The following ADGRV1 variants were observed in gnomAD, a reference collection of about 807,000 sequenced individuals.
ADGRV1 encodes adhesion G protein-coupled receptor V1, also known as G-protein coupled receptor 98.
In ADGRV1, 359 loss-of-function variants were observed where a neutral mutation model predicts 596.2. The observed-to-expected ratio is 0.60, with a 90% CI of 0.55 to 0.66. The LOEUF is 0.66. ADGRV1 is among the 30% of genes least tolerant of loss of function. ADGRV1 has a pLI of 0.00. For missense variants in ADGRV1, 7,274 were observed against 7,575.6 expected, an observed-to-expected ratio of 0.96 and a Z score of 1.48; for synonymous variants, 2,681 against 2,679.2, an observed-to-expected ratio of 1.00 and a Z score of -0.02.
intron 83 of ADGRV1, among the ~76,000 whole-genome samples, chr5:90,964,756 G>C (rs779457789): frequency 1.3e-5 from 2 of 150,136 alleles, no homozygotes; most frequent in East Asian, 3.9e-4. Flanking sequence ...AAATTACAAA[G>C]CATGTTAGAA....
chr5:91,076,331 A>G (rs1456610726), intron 86 of ADGRV1, among the ~76,000 whole-genome samples: 2 of 152,014 alleles, frequency 1.3e-5, no homozygotes. Flanking sequence ...TCATTGTAGC[A>G]CTTATCTTAG....
At chr5:90,960,183 G>T (rs7709355) in intron 83 of ADGRV1, among the ~76,000 whole-genome samples, 31,518 of 150,486 alleles carry the variant, frequency 0.21, 5,178 homozygotes, top group East Asian at 0.5. Context: ...TGCCTAGGGT[G>T]GTAGGGGTGG....
intron 54 of ADGRV1, among the ~76,000 whole-genome samples, chr5:90,754,411 T>C (rs1023377008): frequency 1.4e-4 from 22 of 152,168 alleles, no homozygotes; most frequent in Admixed American, 1.3e-4. Context: ...TTCATTTGAA[T>C]AGTCAATGGG....
intron 85 of ADGRV1, among the ~76,000 whole-genome samples, chr5:91,008,777 A>G (rs1782496029): frequency 6.6e-6 from 1 of 152,118 alleles, no homozygotes; most frequent in African/African-American, 2.4e-5. Context: ...CTGGGATTAC[A>G]AGTGTTAGCC....
In ADGRV1 at chr5:90,745,760, A is replaced by C; in HGVS notation, c.10939A>C (p.Asn3647His). 1 of 1,610,496 alleles carries C rather than the reference A, an allele frequency of 6.2e-7. No individual in the cohort carries two copies. Among genetic ancestry groups the C allele is most frequent in the Non-Finnish European group, 8.5e-7 (1 of 1,177,494 alleles). ...TTCTGTAACAATAACCATTCTGTCT[A>C]ATGATGATGCCTATGGAATTGTTGC... is the stretch of plus-strand genomic sequence containing the variant. The part of the protein sequence containing the change: ...NDSVTITILS[N>H]DDAYGIVAFA... The change falls in exon 52 of 90, where the codon AAT becomes CAT. Residue 3647 changes from asparagine (N) to histidine (H), a missense_variant. Around this residue, in one of 5 missense-constraint regions of ADGRV1, gnomAD observed 3,643 missense variants for 3,809.2 expected, o/e 0.96. Transcript: ENST00000405460.
chr5:90,683,591 A>G lies in ADGRV1; in HGVS notation c.5670A>G (p.Ile1890Met), dbSNP rs1283387324. The change falls in exon 28 of 90, where the codon ATA becomes ATG. Residue 1890 changes from isoleucine (I) to methionine (M), a missense_variant. Physicochemically the swap from Ile to Met is conservative, Grantham distance 10. Transcript: ENST00000405460. ...TAATATTAAGTATTTTGTAGGTTAT[A>G]AGACATCATGGAACTCTGTCTCCAG... ...DGYSTVTLNV[I>M]RHHGTLSPVT... is the part of the protein sequence containing the mutation. 3 of 1,594,242 alleles carry G rather than the reference A, an allele frequency of 1.9e-6. No individual in the cohort carries two copies. Among genetic ancestry groups the G allele is most frequent in the Non-Finnish European group, 1.7e-6 (2 of 1,165,432 alleles).
At chr5:90,816,415 TTTA>T (rs1056576107) in intron 75 of ADGRV1, among the ~76,000 whole-genome samples, 395 of 151,344 alleles carry the variant, frequency 2.6e-3, no homozygotes, top group African/African-American at 8.9e-3. Context: ...TTTTTTAAAT[TTTA>T]TTATTATTAT....
intron 1 of ADGRV1, among the ~76,000 whole-genome samples, chr5:90,559,947 G>A (rs1275966489): frequency 6.6e-6 from 1 of 152,094 alleles, no homozygotes; most frequent in Non-Finnish European, 1.5e-5. Flanking sequence ...ATACAAATGA[G>A]CACCAATAAT....
intron 83 of ADGRV1, among the ~76,000 whole-genome samples, chr5:90,943,432 C>T (rs1334045217): frequency 6.6e-6 from 1 of 152,086 alleles, no homozygotes; most frequent in Non-Finnish European, 1.5e-5. Context: ...GGCTGTGGCA[C>T]AAGCTGTGTT....
intron 87 of ADGRV1, among the ~76,000 whole-genome samples, chr5:91,121,208 A>G (rs1168975544): frequency 2.0e-5 from 3 of 152,136 alleles, no homozygotes; most frequent in Non-Finnish European, 4.4e-5. Context: ...ACAGAGTAGA[A>G]TGGGGAGTAT....
intron 79 of ADGRV1, among the ~76,000 whole-genome samples, chr5:90,851,273 TC>T (rs751707706): frequency 1.7e-4 from 26 of 151,710 alleles, no homozygotes; most frequent in Non-Finnish European, 3.5e-4. Context: ...GGATTACTGT[TC>T]AGGTAAAAGA....
At chr5:90,867,560 C>T (rs1411449989) in intron 83 of ADGRV1, among the ~76,000 whole-genome samples, 4 of 152,158 alleles carry the variant, frequency 2.6e-5, no homozygotes, top group Non-Finnish European at 5.9e-5. Flanking sequence ...ATGTCATTCT[C>T]GCTTTGAGTA....
chr5:91,055,830 A>C (rs1188035575), intron 85 of ADGRV1, among the ~76,000 whole-genome samples: 1 of 152,240 alleles, frequency 6.6e-6, no homozygotes, highest in Admixed American at 6.5e-5. Flanking sequence ...TTGGTGCAAA[A>C]GTATGAATTT....
rs373576966 is a variant in ADGRV1, at chr5:90,720,854, TA to T, written c.9624-80del. The T allele has an allele frequency of 4.5e-3, 5,223 of 1,170,888 alleles. 66 individuals carry two copies. The highest frequency in any genetic ancestry group is 0.039 in the African/African-American group (2,497 of 64,786). 72.5% of individuals were successfully genotyped at this position (1,170,888 alleles called of 1,614,324 possible). The stretch of plus-strand genomic sequence containing the variant: ...TGTAAATTTAAAAATGTATTAAGTA[TA>T]TGCTAGCAATATGATATATATTTCA... On this transcript the variant is annotated intron_variant, in intron 44 of 89. Coordinates refer to ENST00000405460, the MANE Select transcript of ADGRV1 (RefSeq NM_032119.4).
At chr5:90,842,906 T>G (rs1162703920) in intron 78 of ADGRV1, among the ~76,000 whole-genome samples, 1 of 152,156 alleles carries the variant, frequency 6.6e-6, no homozygotes, top group Non-Finnish European at 1.5e-5. Flanking sequence ...ACATCAATAC[T>G]GAAATCTGTT....
At chr5:90,846,322 T>C (rs1279995853) in intron 78 of ADGRV1, 1 of 152,200 alleles carries the variant, frequency 6.6e-6, no homozygotes, top group Admixed American at 6.5e-5. Context: ...TGTAGGTTGG[T>C]AGATGGGGCA....
chr5:91,008,493 T>C (rs1391561268), intron 85 of ADGRV1, among the ~76,000 whole-genome samples: 1 of 152,054 alleles, frequency 6.6e-6, no homozygotes, highest in Non-Finnish European at 1.5e-5. Context: ...TGTAAGTCTA[T>C]ATAATTTTAT....
rs749025531 is a variant in ADGRV1 at position 90,646,034 on chromosome 5, A to G, written c.2965A>G (p.Asn989Asp). The G allele has an allele frequency of 1.2e-6, 2 of 1,606,486 alleles. No individual in the cohort carries two copies. The highest frequency in any genetic ancestry group is 1.7e-6 in the Non-Finnish European group (2 of 1,175,806). ...TGGCACTGGAGGAGCTAAAGTGGGA[A>G]ATAGAACAACTGCAACTCTGAGGAT... ...LNGTGGAKVG[N>D]RTTATLRIRR... Residue 989 changes from asparagine (N) to aspartate (D), a missense_variant, in exon 16 of 90, where the codon AAT becomes GAT. This residue lies in a region of ADGRV1 where 1,715 missense variants were observed against 1,708.8 expected (regional missense o/e 1.00). Coordinates refer to ENST00000405460, the MANE Select transcript of ADGRV1 (RefSeq NM_032119.4).
At chr5:91,158,849 G>GTGGATGGATGGATGGA (rs35809247) in intron 89 of ADGRV1, among the ~76,000 whole-genome samples, 1 of 146,106 alleles carries the variant, frequency 6.8e-6, no homozygotes, top group African/African-American at 2.5e-5. Flanking sequence ...ACATGGATGG[G>GTGGATGGATGGATGGA]TGGATGGATG....
Sources: gnomAD v4.1 joint callset for allele counts (sites outside exome capture counted in the v4.1 genomes callset) on GRCh38, gnomAD v4.1.1 for gene constraint, gnomAD v4.1.1 regional missense constraint, MANE v1.5 for transcripts, NCBI Gene and HGNC (gene_info 2026-07-23, HGNC 2026-07-21) for gene names.